CNTN1: variants seen among roughly 807,000 people sequenced by gnomAD.
CNTN1 encodes contactin 1.
CNTN1 carries 38 observed loss-of-function variants against 126.4 expected under a neutral mutation model. The ratio of observed to expected loss-of-function variants is 0.30; its 90% CI spans 0.23 to 0.39. CNTN1 has a LOEUF of 0.39. CNTN1 is among the 10% of genes least tolerant of loss of function. The probability of loss-of-function intolerance (pLI) is 1.00; values close to 1 mark genes in which losing one functional copy is unlikely to be tolerated. For missense variants in CNTN1, 1,009 were observed against 1,248.4 expected (o/e 0.81, Z 2.89); for synonymous variants, 413 against 422.6 (o/e 0.98, Z 0.28).
At chr12:40,899,511 A>G (rs953937519) in intron 1 of CNTN1, among the ~76,000 whole-genome samples, 4 of 152,234 alleles carry the variant, frequency 2.6e-5, no homozygotes, top group African/African-American at 9.6e-5. Flanking sequence ...AAAATATACC[A>G]TAGACATAAT....
intron 15 of CNTN1, among the ~76,000 whole-genome samples, chr12:40,976,540 A>G (rs1037311168): frequency 6.7e-6 from 1 of 149,926 alleles, no homozygotes; most frequent in Non-Finnish European, 1.5e-5. Flanking sequence ...GAAACTAAAA[A>G]AAGAAAAAAA....
At chr12:40,703,329 G>A (rs919433429) in intron 1 of CNTN1, among the ~76,000 whole-genome samples, 3 of 152,024 alleles carry the variant, frequency 2.0e-5, no homozygotes, top group African/African-American at 7.3e-5. Flanking sequence ...TTTTGGATTT[G>A]TAAAAACATT....
At chr12:40,719,668 G>T (rs984599377) in intron 1 of CNTN1, among the ~76,000 whole-genome samples, 1 of 152,158 alleles carries the variant, frequency 6.6e-6, no homozygotes, top group Non-Finnish European at 1.5e-5. Flanking sequence ...GTATATTCTT[G>T]CATGGTTCAA....
intron 1 of CNTN1, among the ~76,000 whole-genome samples, chr12:40,792,466 CTTTCT>C (rs1940254148): frequency 6.7e-6 from 1 of 148,816 alleles, no homozygotes; most frequent in South Asian, 2.2e-4. Flanking sequence ...TTTTATTTGT[CTTTCT>C]TTTCTTCTCT....
chr12:40,708,852 T>C (rs759982092), intron 1 of CNTN1, among the ~76,000 whole-genome samples: 2 of 152,232 alleles, frequency 1.3e-5, no homozygotes, highest in African/African-American at 2.4e-5. Flanking sequence ...CAGTCAAATA[T>C]TCGAGCTCCA....
intron 1 of CNTN1, among the ~76,000 whole-genome samples, chr12:40,874,813 T>A (rs565894830): frequency 6.6e-6 from 1 of 152,300 alleles, no homozygotes. Flanking sequence ...AAAAATAATA[T>A]AAAACACTTT....
In CNTN1 at chr12:40,813,052, T is replaced by C. The variant is rs575113355; in HGVS notation, c.-76-95305T>C. On this transcript the variant is annotated intron_variant, in intron 1 of 23. Transcript: ENST00000551295. ...TCTCTTTCTTTCCTTTCTTTCTTTC[T>C]TTCTTTCTTCCTTCCTTCCTTCCTT... Among the ~76,000 whole-genome samples the C allele has an allele frequency of 4.1e-4, 55 of 134,304 alleles. 1 individual carries two copies. The highest frequency in any genetic ancestry group is 1.4e-3 in the African/African-American group (50 of 36,010). 88.1% of individuals were successfully genotyped at this position (134,304 alleles called of 152,430 possible).
intron 19 of CNTN1, among the ~76,000 whole-genome samples, chr12:41,018,696 A>ATGTG (rs150221206): frequency 0.025 from 3,737 of 149,852 alleles, 88 homozygotes; most frequent in African/African-American, 0.06. Context: ...ATTTTAATAT[A>ATGTG]TGTGTGTGTG....
At chr12:40,773,694 C>T (rs866429202) in intron 1 of CNTN1, among the ~76,000 whole-genome samples, 20 of 8,558 alleles carry the variant, frequency 2.3e-3, no homozygotes, top group African/African-American at 7.0e-3. Flanking sequence ...TATATATATA[C>T]ACATATATAT....
chr12:41,026,864 G>T (rs1009994839), intron 21 of CNTN1, among the ~76,000 whole-genome samples: 1 of 152,182 alleles, frequency 6.6e-6, no homozygotes, highest in African/African-American at 2.4e-5. Flanking sequence ...CCAGTTAGGA[G>T]ACTATTTCAG....
intron 1 of CNTN1, among the ~76,000 whole-genome samples, chr12:40,897,116 A>G (rs1944439503): frequency 6.6e-6 from 1 of 152,230 alleles, no homozygotes; most frequent in African/African-American, 2.4e-5. Flanking sequence ...AAAAGTATTT[A>G]ATAGATAATT....
At chr12:40,976,541 AAG>A (rs777718963) in intron 15 of CNTN1, among the ~76,000 whole-genome samples, 2,469 of 149,804 alleles carry the variant, frequency 0.016, 65 homozygotes, top group African/African-American at 0.056. Flanking sequence ...AAACTAAAAA[AAG>A]AAAAAAAAAA....
In CNTN1 at chr12:40,968,186, G is replaced by T. The variant is rs752706707; in HGVS notation, c.1804+8952G>T. On this transcript the variant is annotated intron_variant, in intron 15 of 23. Transcript: ENST00000551295. The stretch of plus-strand genomic sequence containing the variant: ...AGTCTAATTTCAGGTAGAACACCCA[G>T]CTCATGGCTGTAGCACACTATAACT... 8.9e-4 allele frequency among the ~76,000 whole-genome samples: 135 copies of T among 152,184 alleles called. 1 individual carries two copies. The highest frequency in any genetic ancestry group is 6.8e-4 in the Non-Finnish European group (46 of 67,986).
chr12:40,944,445 G>A (rs949412080), intron 14 of CNTN1, among the ~76,000 whole-genome samples: 2 of 151,960 alleles, frequency 1.3e-5, no homozygotes, highest in Admixed American at 1.3e-4. Context: ...TACAATTGAT[G>A]TGTATTACAT....
intron 1 of CNTN1, among the ~76,000 whole-genome samples, chr12:40,778,487 A>G (rs1217714419): frequency 6.6e-6 from 1 of 151,838 alleles, no homozygotes; most frequent in African/African-American, 2.4e-5. Flanking sequence ...TTTTTTATCC[A>G]TTTTAAAATA....
chr12:40,762,468 A>G (rs1938900130), intron 1 of CNTN1, among the ~76,000 whole-genome samples: 1 of 152,232 alleles, frequency 6.6e-6, no homozygotes, highest in Non-Finnish European at 1.5e-5. Flanking sequence ...AATAGTCAGA[A>G]CTTATCCAAA....
chr12:40,803,084 G>A (rs548095760), intron 1 of CNTN1, among the ~76,000 whole-genome samples: 1 of 152,042 alleles, frequency 6.6e-6, no homozygotes, highest in East Asian at 1.9e-4. Flanking sequence ...TGGGTGCAAT[G>A]GTTTGGGTAC....
chr12:41,061,355 G>C (rs1009590403), intron 23 of CNTN1, among the ~76,000 whole-genome samples: 1 of 152,136 alleles, frequency 6.6e-6, no homozygotes, highest in Admixed American at 6.6e-5. Flanking sequence ...GGTGTTTTCT[G>C]ACAGGGAAAG....
At chr12:40,860,266 A>G (rs1325736223) in intron 1 of CNTN1, among the ~76,000 whole-genome samples, 1 of 152,188 alleles carries the variant, frequency 6.6e-6, no homozygotes, top group Non-Finnish European at 1.5e-5. Flanking sequence ...ATGATACATT[A>G]GGATAATTTT....
Sources: gnomAD v4.1 joint callset for allele counts (sites outside exome capture counted in the v4.1 genomes callset) on GRCh38, gnomAD v4.1.1 for gene constraint, MANE v1.5 for transcripts, NCBI Gene and HGNC (gene_info 2026-07-23, HGNC 2026-07-21) for gene names.